LAMC1: variants seen among roughly 807,000 people sequenced by gnomAD.
LAMC1 encodes the protein laminin subunit gamma-1.
LAMC1 carries 38 observed loss-of-function variants against 173.6 expected under a neutral mutation model. The ratio of observed to expected loss-of-function variants is 0.22; its 90% CI spans 0.17 to 0.29. The LOEUF is 0.29. LAMC1 is among the 10% of genes least tolerant of loss of function. LAMC1 has a pLI of 1.00. For synonymous variants in LAMC1, 746 were observed against 749.1 expected (o/e 1.00, Z 0.07); for missense variants, 1,824 against 2,051.8 (o/e 0.89, Z 2.14).
intron 1 of LAMC1, among the ~76,000 whole-genome samples, chr1:183,044,176 C>G (rs999835389): frequency 1.4e-4 from 21 of 152,030 alleles, no homozygotes; most frequent in Admixed American, 1.4e-3. Flanking sequence ...TGACATCTTT[C>G]TTTTTTATTT....
At chr1:183,091,529 A>G (rs1010494382) in intron 1 of LAMC1, among the ~76,000 whole-genome samples, 10 of 151,980 alleles carry the variant, frequency 6.6e-5, no homozygotes, top group African/African-American at 1.9e-4. Flanking sequence ...TCTAATTACT[A>G]TATGAACATC....
chr1:183,105,787 C>A (rs906515319), intron 2 of LAMC1, among the ~76,000 whole-genome samples: 1 of 152,192 alleles, frequency 6.6e-6, no homozygotes, highest in Non-Finnish European at 1.5e-5. Flanking sequence ...GCTGATCTGA[C>A]AATGAGAGAG....
chr1:183,138,197 G>A, intron 26 of LAMC1: 3 of 972,960 alleles, frequency 3.1e-6, no homozygotes, highest in Non-Finnish European at 3.7e-6. Flanking sequence ...AGCACCTTTA[G>A]AGACAAAGAC....
intron 24 of LAMC1, 65 bp from the exon 25 acceptor site, chr1:183,136,321 C>G: frequency 7.1e-7 from 1 of 1,407,858 alleles, no homozygotes; most frequent in Non-Finnish European, 1.0e-6. Flanking sequence ...AGTTGGAACT[C>G]CCTGAAAGGC....
chr1:183,048,003 A>G (rs1448300051), intron 1 of LAMC1, among the ~76,000 whole-genome samples: 1 of 152,162 alleles, frequency 6.6e-6, no homozygotes, highest in East Asian at 1.9e-4. Context: ...GCTGCCTCTC[A>G]TGATATTCAA....
At chr1:183,103,114 G>A (rs994904420) in intron 1 of LAMC1, among the ~76,000 whole-genome samples, 2 of 152,094 alleles carry the variant, frequency 1.3e-5, no homozygotes, top group African/African-American at 2.4e-5. Context: ...TGCACATCAC[G>A]ACAGGCCTTT....
chr1:183,093,220 A>G (rs572500863), intron 1 of LAMC1, among the ~76,000 whole-genome samples: 158 of 152,276 alleles, frequency 1.0e-3, no homozygotes, highest in South Asian at 2.5e-3. Flanking sequence ...CCTTGTGCCC[A>G]GCATTCTCTA....
At chr1:183,090,073 T>A (rs1655526760) in intron 1 of LAMC1, among the ~76,000 whole-genome samples, 1 of 152,242 alleles carries the variant, frequency 6.6e-6, no homozygotes, top group South Asian at 2.1e-4. Context: ...GTTCTGTTTC[T>A]GCTTTTCTCA....
intron 4 of LAMC1, among the ~76,000 whole-genome samples, chr1:183,111,433 A>T (rs1190182061): frequency 6.6e-6 from 1 of 152,162 alleles, no homozygotes; most frequent in Non-Finnish European, 1.5e-5. Flanking sequence ...CTCACTGAAG[A>T]GTACAACGGG....
intron 3 of LAMC1, among the ~76,000 whole-genome samples, chr1:183,109,577 G>T (rs3768625): frequency 0.52 from 79,620 of 152,012 alleles, 21,580 homozygotes; most frequent in South Asian, 0.65. Flanking sequence ...CAGGTCATGG[G>T]GGACATCAAA....
At chr1:183,123,959 A>G (rs1656550343) in intron 13 of LAMC1, among the ~76,000 whole-genome samples, 1 of 152,242 alleles carries the variant, frequency 6.6e-6, no homozygotes, top group Non-Finnish European at 1.5e-5. Flanking sequence ...AGGAAAGTGG[A>G]AAAGGAAGGA....
chr1:183,135,014 C>T, intron 23 of LAMC1, 28 bp from the exon 24 acceptor site: 1 of 1,554,584 alleles, frequency 6.4e-7, no homozygotes, highest in East Asian at 2.2e-5. Context: ...TTTGAGGGTT[C>T]ATCCTCTCAT....
chr1:183,102,042 C>T (rs1655847408), intron 1 of LAMC1, among the ~76,000 whole-genome samples: 2 of 152,122 alleles, frequency 1.3e-5, no homozygotes, highest in African/African-American at 2.4e-5. Context: ...AGCGGCAGGC[C>T]CCACCCCACA....
chr1:183,032,553 A>G lies in LAMC1; in HGVS notation c.418+8419A>G, dbSNP rs142197321. On this transcript the variant is annotated intron_variant, in intron 1 of 27. Coordinates refer to ENST00000258341, the MANE Select transcript of LAMC1 (RefSeq NM_002293.4). ...TTTATTTTTAAAGAGACAAAGTCTC[A>G]CTCTGTTGCCTAAGCTGGAAGTGCA... is the stretch of plus-strand genomic sequence containing the variant. 3.0e-3 allele frequency among the ~76,000 whole-genome samples: 459 copies of G among 151,994 alleles called. 4 individuals are homozygous for G. The highest frequency in any genetic ancestry group is 0.019 in the Admixed American group (283 of 15,274).
chr1:183,083,550 T>C (rs939585852), intron 1 of LAMC1, among the ~76,000 whole-genome samples: 7 of 152,222 alleles, frequency 4.6e-5, no homozygotes, highest in African/African-American at 1.4e-4. Context: ...TTTTGAATCA[T>C]AACATGAAAT....
At chr1:183,079,254 T>G (rs1010064595) in intron 1 of LAMC1, among the ~76,000 whole-genome samples, 1 of 109,534 alleles carries the variant, frequency 9.1e-6, no homozygotes, top group African/African-American at 3.6e-5. Context: ...TTTTTTTTTT[T>G]TTTTTTTTTT....
chr1:183,029,260 C>A (rs1029389972), intron 1 of LAMC1, among the ~76,000 whole-genome samples: 4 of 152,196 alleles, frequency 2.6e-5, no homozygotes, highest in African/African-American at 9.7e-5. Context: ...GAATGCTTAT[C>A]TTTCTCTCCG....
chr1:183,128,033 G>A (rs369580019), intron 17 of LAMC1, among the ~76,000 whole-genome samples: 5 of 152,146 alleles, frequency 3.3e-5, no homozygotes, highest in East Asian at 1.9e-4. Flanking sequence ...ATAAATATGC[G>A]TGTTTGGGGA....
intron 6 of LAMC1, among the ~76,000 whole-genome samples, chr1:183,116,374 G>T (rs1207743356): frequency 6.6e-6 from 1 of 151,984 alleles, no homozygotes; most frequent in African/African-American, 2.4e-5. Context: ...CTACTCAGGA[G>T]GCTGAGGCAG....
Sources: allele counts gnomAD v4.1 joint callset (sites outside exome capture counted in the v4.1 genomes callset), GRCh38; gene constraint gnomAD v4.1.1; transcripts MANE v1.5; gene names NCBI Gene and HGNC (gene_info 2026-07-23, HGNC 2026-07-21).